Variants in MYCBP2 observed in about 807,000 individuals in gnomAD.
The protein encoded by MYCBP2 is MYC binding protein 2.
MYCBP2 carries 120 observed loss-of-function variants against 525.3 expected under a neutral mutation model. That is an observed-to-expected ratio of 0.23 (90% CI 0.20 to 0.27). MYCBP2 has a LOEUF of 0.27. MYCBP2 is among the 10% of genes least tolerant of loss of function. The pLI, the probability that MYCBP2 is intolerant of heterozygous loss-of-function variation, is 1.00. For synonymous variants in MYCBP2, 1,894 were observed against 1,955.8 expected (o/e 0.97, Z 0.83); for missense variants, 4,149 against 5,657.1 (o/e 0.73, Z 8.55).
chr13:77,120,821 T>C (rs2050565906), intron 55 of MYCBP2, among the ~76,000 whole-genome samples: 1 of 152,206 alleles, frequency 6.6e-6, no homozygotes, highest in Admixed American at 6.5e-5. Flanking sequence ...CTTAGGGTTT[T>C]CTTCTTTTTA....
intron 55 of MYCBP2, among the ~76,000 whole-genome samples, chr13:77,117,676 TG>T (rs1415119663): frequency 6.6e-6 from 1 of 152,124 alleles, no homozygotes; most frequent in Non-Finnish European, 1.5e-5. Context: ...GAGAACTGAA[TG>T]CCAAGAAGAA....
chr13:77,214,148 T>C (rs1240484489), intron 21 of MYCBP2, among the ~76,000 whole-genome samples: 1 of 152,152 alleles, frequency 6.6e-6, no homozygotes, highest in East Asian at 1.9e-4. Flanking sequence ...TCCTCACCCA[T>C]CAGACTGGCA....
intron 1 of MYCBP2, among the ~76,000 whole-genome samples, chr13:77,324,580 G>A (rs1180694354): frequency 6.6e-6 from 1 of 152,164 alleles, no homozygotes; most frequent in Non-Finnish European, 1.5e-5. Context: ...AGCATTAGCA[G>A]GCAATATCAT....
At chr13:77,212,422 A>C (rs1454152627) in intron 21 of MYCBP2, among the ~76,000 whole-genome samples, 1 of 152,222 alleles carries the variant, frequency 6.6e-6, no homozygotes, top group African/African-American at 2.4e-5. Flanking sequence ...TCCACGCAAG[A>C]AGTATCTCCA....
chr13:77,057,932 G>C (rs1473261359), intron 78 of MYCBP2, among the ~76,000 whole-genome samples: 1 of 150,440 alleles, frequency 6.6e-6, no homozygotes, highest in Admixed American at 6.6e-5. Flanking sequence ...CCGTCTCCTG[G>C]CTTCATGCCA....
At chr13:77,299,146 A>G (rs1262414068) in intron 1 of MYCBP2, among the ~76,000 whole-genome samples, 3 of 152,154 alleles carry the variant, frequency 2.0e-5, no homozygotes, top group Admixed American at 6.5e-5. Context: ...ATTCCAAACC[A>G]ATTTTCAGAG....
chr13:77,288,729 C>G (rs968084139), intron 2 of MYCBP2, among the ~76,000 whole-genome samples: 14 of 152,198 alleles, frequency 9.2e-5, no homozygotes, highest in African/African-American at 3.4e-4. Context: ...ACTCTAGACA[C>G]ACTGTAGAGT....
intron 68 of MYCBP2, among the ~76,000 whole-genome samples, chr13:77,074,308 C>A (rs1002784884): frequency 2.6e-5 from 4 of 151,800 alleles, no homozygotes; most frequent in African/African-American, 9.7e-5. Context: ...TTACACTGCA[C>A]ATAAAAATTA....
intron 55 of MYCBP2, among the ~76,000 whole-genome samples, chr13:77,112,564 TA>T (rs2049014144): frequency 6.6e-6 from 1 of 151,770 alleles, no homozygotes; most frequent in Non-Finnish European, 1.5e-5. Context: ...TAGCTAGGAT[TA>T]CAGGTGTGCA....
At position 77,059,546 on chromosome 13, in the gene MYCBP2, C is replaced by T. The variant is rs370484623; in HGVS notation, c.13117G>A (p.Val4373Ile). 1.9e-5 allele frequency: 30 copies of T among 1,613,864 alleles called. No individual in the cohort carries two copies. The highest frequency in any genetic ancestry group is 2.5e-5 in the Non-Finnish European group (29 of 1,179,868). The change falls in exon 77 of 83, where the codon GTT becomes ATT. Residue 4373 changes from valine to isoleucine, a missense_variant. Physicochemically the swap from Val to Ile is conservative, Grantham distance 29. Transcript: ENST00000544440. Reference protein sequence around the residue: ...SGTELSAVGSVCSDADCQEYA... With the variant: ...SGTELSAVGSICSDADCQEYA... The stretch of plus-strand genomic sequence containing the variant: ...ACCTGGCAATCTGCATCAGAACAAA[C>T]ACTGCCAACAGCAGATAACTCTGTT...
chr13:77,234,184 G>A (rs2067546426), intron 17 of MYCBP2, among the ~76,000 whole-genome samples: 1 of 151,504 alleles, frequency 6.6e-6, no homozygotes, highest in Non-Finnish European at 1.5e-5. Context: ...AAAATTTTAG[G>A]TTTTTTTCTT....
chr13:77,126,758 T>C (rs1409097061), intron 52 of MYCBP2, among the ~76,000 whole-genome samples: 2 of 152,110 alleles, frequency 1.3e-5, no homozygotes, highest in East Asian at 1.9e-4. Context: ...CAAGAAAATA[T>C]AGCAGGAAAC....
At chr13:77,283,461 A>C (rs1279710623) in intron 3 of MYCBP2, among the ~76,000 whole-genome samples, 1 of 152,226 alleles carries the variant, frequency 6.6e-6, no homozygotes, top group Non-Finnish European at 1.5e-5. Context: ...TCAGGACCTA[A>C]TATAATGCTG....
At position 77,140,444 on chromosome 13, in the gene MYCBP2, C is replaced by G. The variant is rs148755149; in HGVS notation, c.7402-281G>C. 2.0e-5 allele frequency among the ~76,000 whole-genome samples: 3 copies of G among 152,196 alleles called. No homozygotes were observed. The East Asian group carries it at 5.8e-4, about 29-fold the overall frequency. On this transcript the variant is annotated intron_variant, in intron 50 of 82. Coordinates refer to ENST00000544440, the MANE Select transcript of MYCBP2 (RefSeq NM_015057.5). Reference sequence around the variant, plus strand: ...GATACGTGTTAAGAAGGATAAAAACCATTTCTTTCTGTTAGAAAAATAAAT... The same window carrying G: ...GATACGTGTTAAGAAGGATAAAAACGATTTCTTTCTGTTAGAAAAATAAAT...
chr13:77,169,327 C>T (rs535037224), intron 39 of MYCBP2, among the ~76,000 whole-genome samples: 108 of 141,586 alleles, frequency 7.6e-4, no homozygotes, highest in African/African-American at 2.5e-3. Context: ...ACCCGGAAGG[C>T]GGAGCTTGCA....
At position 77,126,740 on chromosome 13, in the gene MYCBP2, G is replaced by A. The variant is rs529594572; in HGVS notation, c.7660-198C>T. 2.0e-5 allele frequency among the ~76,000 whole-genome samples: 3 copies of A among 152,156 alleles called. No individual in the cohort carries two copies. The South Asian group carries it at 6.2e-4, about 32-fold the overall frequency. Reference sequence around the variant, plus strand: ...TTTCAACAATGCTATTTAAAATAAAGTTGAAGGCAAGAAAATATAGCAGGA... The same window carrying A: ...TTTCAACAATGCTATTTAAAATAAAATTGAAGGCAAGAAAATATAGCAGGA... On this transcript the variant is annotated intron_variant, in intron 52 of 82. Transcript: ENST00000544440.
chr13:77,059,051 A>G (rs978222118), intron 77 of MYCBP2, among the ~76,000 whole-genome samples: 1 of 151,220 alleles, frequency 6.6e-6, no homozygotes, highest in Non-Finnish European at 1.5e-5. Context: ...CCGCATCACC[A>G]AAATGCAGAT....
At position 77,056,099 on chromosome 13, in the gene MYCBP2, GGTGTGTGTGTGTGTGTGTGT is replaced by G. The variant is rs56952443; in HGVS notation, c.13438-352_13438-333del. ...CACAAATAAGACACGCTCTGTGTTT[GGTGTGTGTGTGTGTGTGTGT>G]GTGTGTGTGTGTGTGTGTGTGTGTG... On this transcript the variant is annotated intron_variant, in intron 79 of 82. Transcript: ENST00000544440. Among the ~76,000 whole-genome samples the G allele has an allele frequency of 2.2e-3, 268 of 120,592 alleles. No individual in the cohort carries two copies. In the East Asian group the frequency reaches 0.025, roughly 11 times the overall value. The allele number at this position is 120,592 out of a possible 152,430, so 79.1% of individuals were successfully genotyped here. A position where few individuals can be genotyped will look rare whatever the true frequency, so the allele number is the denominator to read the frequency against.
intron 62 of MYCBP2, among the ~76,000 whole-genome samples, chr13:77,085,099 T>C (rs1440421600): frequency 6.6e-6 from 1 of 152,098 alleles, no homozygotes; most frequent in African/African-American, 2.4e-5. Context: ...ACTGGCTGTT[T>C]CATCGTAACT....
Sources: gnomAD v4.1 joint callset for allele counts (sites outside exome capture counted in the v4.1 genomes callset) on GRCh38, gnomAD v4.1.1 for gene constraint, MANE v1.5 for transcripts, NCBI Gene and HGNC (gene_info 2026-07-23, HGNC 2026-07-21) for gene names.